PREP: variants seen among roughly 807,000 people sequenced by gnomAD.
The protein encoded by PREP is prolyl endopeptidase.
Under a neutral mutation model 87.6 loss-of-function variants are expected in PREP, and 29 were observed. The ratio of observed to expected loss-of-function variants is 0.33; its 90% CI spans 0.25 to 0.45. The LOEUF is 0.45. Among genes scored for constraint, PREP ranks in the 20% least tolerant of loss-of-function variants. The probability of loss-of-function intolerance (pLI) is 1.00; values close to 1 mark genes in which losing one functional copy is unlikely to be tolerated. For synonymous variants in PREP, 337 were observed against 328.6 expected (o/e 1.03, Z -0.28); for missense variants, 695 against 886.5 (o/e 0.78, Z 2.74).
At chr6:105,373,637 T>C (rs9500087) in intron 4 of PREP, 59 bp from the exon 5 acceptor site, 329,797 of 1,466,526 alleles carry the variant, frequency 0.22, 43,199 homozygotes, top group African/African-American at 0.57. Flanking sequence ...CCACGGTCCT[T>C]TATGCCATCT....
chr6:105,397,707 A>G, intron 2 of PREP, 146 bp downstream of exon 2: 1 of 598,378 alleles, frequency 1.7e-6, no homozygotes, highest in East Asian at 2.7e-5. Context: ...TTATTTGACA[A>G]AAAGTAGTGG....
rs1769948814 is a variant in PREP, at chr6:105,277,031, A to G, written c.*1113T>C. Among the ~76,000 whole-genome samples, 1 of 152,168 alleles carries G rather than the reference A, an allele frequency of 6.6e-6. No individual in the cohort carries two copies. Among genetic ancestry groups the G allele is most frequent in the Admixed American group, 6.5e-5 (1 of 15,270 alleles). On this transcript the variant is annotated 3_prime_UTR_variant, in exon 15 of 15. Transcript: ENST00000652536. ...AAAAACTGTTTTAAGTTAGATCAGC[A>G]TTTCCCAAACTGATACTCAAAGGAA... is the stretch of plus-strand genomic sequence containing the variant.
At chr6:105,360,989 TG>T (rs749488350) in intron 6 of PREP, among the ~76,000 whole-genome samples, 4 of 152,188 alleles carry the variant, frequency 2.6e-5, no homozygotes, top group Non-Finnish European at 5.9e-5. Flanking sequence ...CATACATGTA[TG>T]AGTCTTCAGG....
intron 2 of PREP, among the ~76,000 whole-genome samples, chr6:105,388,439 G>C (rs1490166650): frequency 1.4e-5 from 2 of 144,978 alleles, no homozygotes; most frequent in Non-Finnish European, 3.0e-5. Context: ...AGTTTTTGCC[G>C]CTTGCATCAA....
chr6:105,351,763 C>T (rs1246563155), intron 7 of PREP, among the ~76,000 whole-genome samples: 5 of 152,200 alleles, frequency 3.3e-5, no homozygotes, highest in African/African-American at 7.2e-5. Context: ...TTGCAACTCA[C>T]GCAAACAATT....
intron 7 of PREP, among the ~76,000 whole-genome samples, chr6:105,336,676 T>C (rs1771488377): frequency 6.6e-6 from 1 of 152,222 alleles, no homozygotes; most frequent in South Asian, 2.1e-4. Flanking sequence ...CAGTTATTAT[T>C]CACTTTCTCA....
At chr6:105,376,391 G>A (rs537932000) in intron 3 of PREP, 136 bp from the exon 4 acceptor site, 21 of 932,822 alleles carry the variant, frequency 2.3e-5, no homozygotes, top group South Asian at 9.0e-5. Context: ...TCGCAGGGAC[G>A]TGGGGACATG....
At position 105,277,955 on chromosome 6, in the gene PREP, A is replaced by G; in HGVS notation, c.*189T>C. ...GCCTAGACAGGGTGGAAAAAGAAAC[A>G]CCAAGGCCTTGCTAAAAAGGAGAAG... On this transcript the variant is annotated 3_prime_UTR_variant, in exon 15 of 15. Transcript: ENST00000652536. The G allele has an allele frequency of 4.8e-6, 4 of 827,840 alleles. No individual in the cohort carries two copies. In the South Asian group the frequency reaches 7.0e-5, roughly 14 times the overall value. The allele number at this position is 827,840 out of a possible 1,614,324, so 51.3% of individuals were successfully genotyped here.
chr6:105,335,512 C>G (rs1426181708), intron 7 of PREP, among the ~76,000 whole-genome samples: 2 of 152,200 alleles, frequency 1.3e-5, no homozygotes, highest in Admixed American at 6.5e-5. Context: ...CCAGTTCTAA[C>G]ACTATTTAGT....
intron 6 of PREP, among the ~76,000 whole-genome samples, chr6:105,364,387 A>G (rs976071158): frequency 3.3e-5 from 5 of 152,236 alleles, no homozygotes; most frequent in Non-Finnish European, 7.3e-5. Context: ...AGACCTGTCC[A>G]TGCAGGAAGG....
intron 12 of PREP, 35 bp from the exon 13 acceptor site, chr6:105,282,617 C>T (rs1469596332): frequency 6.3e-7 from 1 of 1,598,676 alleles, no homozygotes; most frequent in South Asian, 1.1e-5. Context: ...AGTTAATTAA[C>T]AAAACATAAA....
At chr6:105,321,735 C>T (rs1771014257) in intron 10 of PREP, among the ~76,000 whole-genome samples, 1 of 152,148 alleles carries the variant, frequency 6.6e-6, no homozygotes, top group South Asian at 2.1e-4. Context: ...GGGTCCTTCC[C>T]TTTCCCAGAC....
intron 10 of PREP, chr6:105,323,180 T>A (rs762080063): frequency 8.6e-7 from 1 of 1,158,648 alleles, no homozygotes; most frequent in Non-Finnish European, 1.2e-6. Context: ...TGTGGTGACA[T>A]GACAATTAAT....
chr6:105,361,880 A>G (rs915767823), intron 6 of PREP, among the ~76,000 whole-genome samples: 4 of 152,228 alleles, frequency 2.6e-5, no homozygotes, highest in African/African-American at 4.8e-5. Context: ...AGTAACAGAC[A>G]TACAGGGGAG....
chr6:105,350,902 A>G (rs2114681183), intron 7 of PREP, among the ~76,000 whole-genome samples: 1 of 152,350 alleles, frequency 6.6e-6, no homozygotes, highest in Non-Finnish European at 1.5e-5. Context: ...TGCTGATCCA[A>G]TTCATCAGTA....
At chr6:105,322,149 G>T in intron 10 of PREP, 1 of 295,840 alleles carries the variant, frequency 3.4e-6, no homozygotes. Context: ...TATAGGATGA[G>T]GGTGAATTTA....
chr6:105,288,959 T>C, intron 10 of PREP, 65 bp from the exon 11 acceptor site: 3 of 1,489,474 alleles, frequency 2.0e-6, no homozygotes, highest in Non-Finnish European at 2.8e-6. Context: ...TGCTTTTAAA[T>C]GGGAAAAATA....
At chr6:105,392,046 T>C (rs1335385915) in intron 2 of PREP, among the ~76,000 whole-genome samples, 1 of 147,816 alleles carries the variant, frequency 6.8e-6, no homozygotes, top group Non-Finnish European at 1.5e-5. Flanking sequence ...TTCAAATCTT[T>C]TTTTTTTTTT....
intron 10 of PREP, among the ~76,000 whole-genome samples, chr6:105,303,835 C>A (rs1204675063): frequency 6.6e-6 from 1 of 152,228 alleles, no homozygotes; most frequent in African/African-American, 2.4e-5. Context: ...AGTTTCCATA[C>A]ATTTAAAAAC....
Sources: allele counts gnomAD v4.1 joint callset (sites outside exome capture counted in the v4.1 genomes callset), GRCh38; gene constraint gnomAD v4.1.1; transcripts MANE v1.5; gene names NCBI Gene and HGNC (gene_info 2026-07-23, HGNC 2026-07-21).